Variants in EHD3 observed in about 807,000 individuals in gnomAD.
The protein encoded by EHD3 is EH domain containing 3, also known as EH domain-containing protein 3.
A neutral mutation model predicts 43.0 loss-of-function variants in EHD3; 17 were observed. The ratio of observed to expected loss-of-function variants is 0.40; its 90% CI spans 0.27 to 0.59. EHD3 has a LOEUF of 0.59. EHD3 is among the 20% of genes least tolerant of loss of function. The pLI, the probability that EHD3 is intolerant of heterozygous loss-of-function variation, is 0.49. For missense variants in EHD3, 594 were observed against 705.6 expected (o/e 0.84, Z 1.79); for synonymous variants, 313 against 289.5 (o/e 1.08, Z -0.82).
Position 31,266,812 on chromosome 2 carries a change from A to T in EHD3, c.*108A>T. 1 of 1,326,940 alleles carries T rather than the reference A, an allele frequency of 7.5e-7. No homozygotes were observed. The highest frequency in any genetic ancestry group is 1.0e-6 in the Non-Finnish European group (1 of 986,810). 82.2% of individuals were successfully genotyped at this position (1,326,940 alleles called of 1,614,324 possible). ...CACACACAAACATGCACACACACAT[A>T]TGCATATCTTGACATTGCTCTGTAG... On this transcript the variant is annotated 3_prime_UTR_variant, in exon 6 of 6. Coordinates refer to ENST00000322054, the MANE Select transcript of EHD3 (RefSeq NM_014600.3). The surrounding 1 kb of genome is among the most constrained non-coding windows in gnomAD (Gnocchi z 5.1).
Position 31,266,394 on chromosome 2 carries a change from G to T in EHD3, c.1298G>T (p.Gly433Val). 6.2e-7 allele frequency: 1 copy of T among 1,614,130 alleles called. No homozygotes were observed. The highest frequency in any genetic ancestry group is 8.5e-7 in the Non-Finnish European group (1 of 1,179,982). The change falls in exon 6 of 6, where the codon GGT becomes GTT. Residue 433 changes from glycine to valine, a missense_variant. Around this residue, in one of 3 missense-constraint regions of EHD3, gnomAD observed 322 missense variants for 348.0 expected, o/e 0.93. Transcript: ENST00000322054. The surrounding 1 kb of genome is among the most constrained non-coding windows in gnomAD (Gnocchi z 5.1). ...GGCTATGGGGAGGGGGCTGGAGAAGGTATCGATGATGCTGAGTGGGTGGTG... is the reference window on the plus strand; with the variant it reads ...GGCTATGGGGAGGGGGCTGGAGAAGTTATCGATGATGCTGAGTGGGTGGTG... ...GHGYGEGAGEGIDDAEWVVAR... is the reference protein window; with the variant it reads ...GHGYGEGAGEVIDDAEWVVAR...
chr2:31,266,827 T>G lies in EHD3; in HGVS notation c.*123T>G. 2 of 1,261,770 alleles carry G rather than the reference T, an allele frequency of 1.6e-6. No homozygotes were observed. Among genetic ancestry groups the G allele is most frequent in the Non-Finnish European group, 1.1e-6 (1 of 935,956 alleles). 78.2% of individuals were successfully genotyped at this position (1,261,770 alleles called of 1,614,324 possible). On this transcript the variant is annotated 3_prime_UTR_variant, in exon 6 of 6. Transcript: ENST00000322054. The surrounding 1 kb of genome is among the most constrained non-coding windows in gnomAD (Gnocchi z 5.1). ...ACACACACATATGCATATCTTGACA[T>G]TGCTCTGTAGGTGAGAGAGGACCAT...
chr2:31,258,095 G>A (rs1683786506), intron 3 of EHD3, among the ~76,000 whole-genome samples: 1 of 152,200 alleles, frequency 6.6e-6, no homozygotes, highest in Non-Finnish European at 1.5e-5. Flanking sequence ...TATTCATTGA[G>A]CAGCTGACAG....
At chr2:31,253,450 A>C (rs1683679139) in intron 3 of EHD3, among the ~76,000 whole-genome samples, 1 of 152,176 alleles carries the variant, frequency 6.6e-6, no homozygotes, top group Non-Finnish European at 1.5e-5. Context: ...TATGTCCTAC[A>C]CGAGGGCATC....
Position 31,260,437 on chromosome 2 carries a change from C to T in EHD3, c.503-73C>T, listed in dbSNP as rs1683829107. On this transcript the variant is annotated intron_variant, in intron 3 of 5. Coordinates refer to ENST00000322054, the MANE Select transcript of EHD3 (RefSeq NM_014600.3). The surrounding 1 kb of genome is among the most constrained non-coding windows in gnomAD (Gnocchi z 4.6). The stretch of plus-strand genomic sequence containing the variant: ...TCCCAAGACTGTGTTATTTCTACCA[C>T]ACCCGACTGCTTCTCCAAACCCCTA... 1 of 1,447,728 alleles carries T rather than the reference C, an allele frequency of 6.9e-7. No individual in the cohort carries two copies. The highest frequency in any genetic ancestry group is 9.3e-7 in the Non-Finnish European group (1 of 1,076,370). The allele number at this position is 1,447,728 out of a possible 1,614,324, so 89.7% of individuals were successfully genotyped here.
chr2:31,261,046 G>A, intron 4 of EHD3, 124 bp downstream of exon 4: 4 of 1,085,588 alleles, frequency 3.7e-6, no homozygotes, highest in Non-Finnish European at 5.2e-6. Context: ...CAAGGGGCAG[G>A]ACAGTGCGGG....
intron 4 of EHD3, 107 bp downstream of exon 4, chr2:31,261,029 G>A (rs1683844990): frequency 1.4e-5 from 18 of 1,274,526 alleles, no homozygotes; most frequent in Admixed American, 2.5e-5. Context: ...CATCATGTGT[G>A]TGACACCAAG....
Position 31,267,365 on chromosome 2 carries a change from TGA to T in EHD3, c.*662_*663del. The stretch of plus-strand genomic sequence containing the variant: ...AGCGGGAGAGAGAAGAGAAAAAAAT[TGA>T]TAAGAGTGAGGAAATTGTCCTGTAG... On this transcript the variant is annotated 3_prime_UTR_variant, in exon 6 of 6. Transcript: ENST00000322054. 1 of 152,160 alleles carries T rather than the reference TGA, an allele frequency of 6.6e-6. No individual in the cohort carries two copies. The highest frequency in any genetic ancestry group is 6.5e-5 in the Admixed American group (1 of 15,272). The allele number at this position is 152,160 out of a possible 1,614,324, so 9.4% of individuals were successfully genotyped here.
intron 2 of EHD3, among the ~76,000 whole-genome samples, chr2:31,247,297 TTTTTG>T (rs1017602672): frequency 1.4e-4 from 21 of 152,292 alleles, no homozygotes; most frequent in African/African-American, 3.6e-4. Context: ...ATGTTTTGGT[TTTTTG>T]TTTTGTTTTG....
At chr2:31,256,342 G>A (rs961821568) in intron 3 of EHD3, among the ~76,000 whole-genome samples, 6 of 152,230 alleles carry the variant, frequency 3.9e-5, no homozygotes, top group African/African-American at 1.4e-4. Flanking sequence ...CTACGACTGA[G>A]TCACTGATTC....
Position 31,260,696 on chromosome 2 carries a change from T to TG in EHD3, c.690dup (p.Arg231AlafsTer36). The TG allele has an allele frequency of 6.2e-7, 1 of 1,614,218 alleles. No individual in the cohort carries two copies. Among genetic ancestry groups the TG allele is most frequent in the Non-Finnish European group, 8.5e-7 (1 of 1,180,042 alleles). On this transcript the variant is annotated frameshift_variant, in exon 4 of 6. Coordinates refer to ENST00000322054, the MANE Select transcript of EHD3 (RefSeq NM_014600.3). LOFTEE classifies it high-confidence loss of function. This position sits in a 1 kb window ranked among gnomAD's most constrained non-coding sequence, Gnocchi z 4.6. Reference sequence around the variant, plus strand: ...GACCAGATCGAGACGCAGCAGCTGATGCGGGTGTACGGGGCCCTCATGTGG... The same window carrying TG: ...GACCAGATCGAGACGCAGCAGCTGATGGCGGGTGTACGGGGCCCTCATGTGG...
chr2:31,236,940 C>T (rs1203426117), intron 1 of EHD3, among the ~76,000 whole-genome samples: 1 of 152,206 alleles, frequency 6.6e-6, no homozygotes, highest in African/African-American at 2.4e-5. Flanking sequence ...AGTCAAATTG[C>T]CACAGATGAT....
In EHD3 at chr2:31,266,459, C is replaced by T. The variant is rs1343434245; in HGVS notation, c.1363C>T (p.Leu455=). The change falls in exon 6 of 6, where the codon CTG becomes TTG. Residue 455 remains leucine (L), a synonymous_variant. Transcript: ENST00000322054. This position sits in a 1 kb window ranked among gnomAD's most constrained non-coding sequence, Gnocchi z 5.1. ...KPMYDEIFYT[L]SPVDGKITGA... ...CATGTACGACGAGATCTTCTACACC[C>T]TGTCACCGGTGGATGGCAAGATCAC... The T allele has an allele frequency of 1.4e-5, 23 of 1,614,154 alleles. No homozygotes were observed. The highest frequency in any genetic ancestry group is 1.9e-5 in the Non-Finnish European group (23 of 1,180,034).
At chr2:31,258,040 G>A (rs942362481) in intron 3 of EHD3, among the ~76,000 whole-genome samples, 1 of 152,184 alleles carries the variant, frequency 6.6e-6, no homozygotes, top group Non-Finnish European at 1.5e-5. Flanking sequence ...ATAGGTCTAC[G>A]CCACAGGAGC....
chr2:31,266,209 C>G lies in EHD3; in HGVS notation c.1113C>G (p.Phe371Leu). 1.2e-6 allele frequency: 2 copies of G among 1,612,996 alleles called. No individual in the cohort carries two copies. Among genetic ancestry groups the G allele is most frequent in the Non-Finnish European group, 1.7e-6 (2 of 1,179,090 alleles). ...TGCAGGCCCAGGACTTTAGCAAGTT[C>G]CAGCCGCTGAAGAGCAAGCTGCTGG... ...DQLQAQDFSK[F>L]QPLKSKLLEV... Residue 371 changes from phenylalanine (F) to leucine (L), a missense_variant, in exon 6 of 6, where the codon TTC (phenylalanine) becomes TTG (leucine). Around this residue, in one of 3 missense-constraint regions of EHD3, gnomAD observed 322 missense variants for 348.0 expected, o/e 0.93. Transcript: ENST00000322054. The surrounding 1 kb of genome is among the most constrained non-coding windows in gnomAD (Gnocchi z 5.1).
intron 1 of EHD3, among the ~76,000 whole-genome samples, chr2:31,241,717 AC>A (rs565750010): frequency 6.6e-6 from 1 of 152,060 alleles, no homozygotes; most frequent in Non-Finnish European, 1.5e-5. Context: ...TGAGTTAAGT[AC>A]CCCCTGAAGA....
chr2:31,266,407 T>C lies in EHD3; in HGVS notation c.1311T>C (p.Ala437=), dbSNP rs1683951945. The stretch of plus-strand genomic sequence containing the variant: ...GGGCTGGAGAAGGTATCGATGATGC[T>C]GAGTGGGTGGTGGCCAGGGACAAGC... ...GEGAGEGIDD[A]EWVVARDKPM... The change falls in exon 6 of 6, where the codon GCT becomes GCC. Residue 437 remains alanine, a synonymous_variant. Transcript: ENST00000322054. This position sits in a 1 kb window ranked among gnomAD's most constrained non-coding sequence, Gnocchi z 5.1. 1.2e-6 allele frequency: 2 copies of C among 1,613,936 alleles called. No homozygotes were observed. Among genetic ancestry groups the C allele is most frequent in the Non-Finnish European group, 1.7e-6 (2 of 1,179,956 alleles).
Position 31,260,914 on chromosome 2 carries a change from C to T in EHD3, c.907C>T (p.Leu303=). ...KLNDLIKRAR[L]AKVHAYIISS... is the part of the protein sequence containing the mutation. Reference sequence around the variant, plus strand: ...CAACGACCTCATCAAAAGGGCCAGGCTGGCCAAGGTGAGGCAGCCCCCTGG... The same window carrying T: ...CAACGACCTCATCAAAAGGGCCAGGTTGGCCAAGGTGAGGCAGCCCCCTGG... The change falls in exon 4 of 6, where the codon CTG becomes TTG. Residue 303 remains leucine (L), a synonymous_variant. Coordinates refer to ENST00000322054, the MANE Select transcript of EHD3 (RefSeq NM_014600.3). This position sits in a 1 kb window ranked among gnomAD's most constrained non-coding sequence, Gnocchi z 4.6. 1 of 1,604,702 alleles carries T rather than the reference C, an allele frequency of 6.2e-7. No homozygotes were observed. The highest frequency in any genetic ancestry group is 8.5e-7 in the Non-Finnish European group (1 of 1,175,170).
chr2:31,235,182 A>G lies in EHD3; in HGVS notation c.227+334A>G, dbSNP rs1683301154. On this transcript the variant is annotated intron_variant, in intron 1 of 5. Coordinates refer to ENST00000322054, the MANE Select transcript of EHD3 (RefSeq NM_014600.3). ...CAATGGAAGAGCTCCTGGTCTCTGG[A>G]GCGCCTTATGTTGGTGGGGATGTCT... 2.0e-5 allele frequency among the ~76,000 whole-genome samples: 3 copies of G among 152,206 alleles called. No individual in the cohort carries two copies. In the South Asian group the frequency reaches 6.2e-4, roughly 32 times the overall value.
Sources: allele counts gnomAD v4.1 joint callset (sites outside exome capture counted in the v4.1 genomes callset), GRCh38; gene constraint gnomAD v4.1.1; regional missense constraint gnomAD v4.1.1; non-coding constraint Gnocchi (gnomAD v3.1); transcripts MANE v1.5; gene names NCBI Gene and HGNC (gene_info 2026-07-23, HGNC 2026-07-21).